Variants in CEP97 observed in about 807,000 individuals in gnomAD.
The protein encoded by CEP97 is centrosomal protein of 97 kDa.
In CEP97, 43 loss-of-function variants were observed where a neutral mutation model predicts 73.1. The observed-to-expected ratio is 0.59, with a 90% CI of 0.46 to 0.76. CEP97 has a LOEUF of 0.76. Among genes scored for constraint, CEP97 ranks in the 30% least tolerant of loss-of-function variants. CEP97 has a pLI of 0.00. For synonymous variants in CEP97, 337 were observed against 370.0 expected (o/e 0.91, Z 1.02); for missense variants, 939 against 1,014.0 (o/e 0.93, Z 1.00).
intron 4 of CEP97, among the ~76,000 whole-genome samples, chr3:101,729,708 T>G (rs1217983525): frequency 6.6e-6 from 1 of 151,996 alleles, no homozygotes; most frequent in Admixed American, 6.6e-5. Context: ...GCTAGGACCA[T>G]AGGCATGTGT....
Position 101,767,047 on chromosome 3 carries a change from T to A in CEP97, c.*1496T>A, listed in dbSNP as rs1560024459. 6.6e-6 allele frequency: 1 copy of A among 152,188 alleles called. No individual in the cohort carries two copies. Among genetic ancestry groups the A allele is most frequent in the African/African-American group, 2.4e-5 (1 of 41,452 alleles). 9.4% of individuals were successfully genotyped at this position (152,188 alleles called of 1,614,324 possible). A position where few individuals can be genotyped will look rare whatever the true frequency, so the allele number is the denominator to read the frequency against. ...GCTCAAGTGATCTCCCACTTCAGCCTCCCGAGTATCTGGGATTATAAGCAA... is the reference window on the plus strand; with the variant it reads ...GCTCAAGTGATCTCCCACTTCAGCCACCCGAGTATCTGGGATTATAAGCAA... On this transcript the variant is annotated 3_prime_UTR_variant, in exon 11 of 11. Transcript: ENST00000341893.
In CEP97 at chr3:101,757,712, C is replaced by T; in HGVS notation, c.1106C>T (p.Pro369Leu). 6.2e-7 allele frequency: 1 copy of T among 1,614,188 alleles called. No homozygotes were observed. Among genetic ancestry groups the T allele is most frequent in the Non-Finnish European group, 8.5e-7 (1 of 1,180,040 alleles). ...DQLFAVKNNF[P>L]ASVHTTRYSR... Reference sequence around the variant, plus strand: ...TTATTTGCGGTTAAGAATAATTTTCCAGCCTCTGTACACACTACGAGATAT... The same window carrying T: ...TTATTTGCGGTTAAGAATAATTTTCTAGCCTCTGTACACACTACGAGATAT... The change falls in exon 9 of 11, where the codon CCA (proline) becomes CTA (leucine). Residue 369 changes from proline to leucine, a missense_variant. Coordinates refer to ENST00000341893, the MANE Select transcript of CEP97 (RefSeq NM_024548.4).
At chr3:101,760,662 C>T (rs1349294313) in intron 9 of CEP97, among the ~76,000 whole-genome samples, 1 of 152,002 alleles carries the variant, frequency 6.6e-6, no homozygotes, top group Non-Finnish European at 1.5e-5. Context: ...CCACTTGAGG[C>T]TCCCAAGTAG....
At chr3:101,749,712 T>C (rs1426526486) in intron 6 of CEP97, among the ~76,000 whole-genome samples, 2 of 147,680 alleles carry the variant, frequency 1.4e-5, no homozygotes, top group Non-Finnish European at 3.0e-5. Flanking sequence ...TGGTATCTCA[T>C]TGTGGTTTTG....
intron 6 of CEP97, among the ~76,000 whole-genome samples, chr3:101,751,534 T>A (rs1183090418): frequency 1.3e-5 from 2 of 152,176 alleles, no homozygotes; most frequent in East Asian, 1.9e-4. Flanking sequence ...CCCATTATTA[T>A]TGTGTGGGAG....
At position 101,757,723 on chromosome 3, in the gene CEP97, C is replaced by T. The variant is rs1939049646; in HGVS notation, c.1117C>T (p.His373Tyr). 1 of 1,614,220 alleles carries T rather than the reference C, an allele frequency of 6.2e-7. No homozygotes were observed. Among genetic ancestry groups the T allele is most frequent in the Non-Finnish European group, 8.5e-7 (1 of 1,180,042 alleles). The change falls in exon 9 of 11, where the codon CAC (histidine) becomes TAC (tyrosine). Residue 373 changes from histidine to tyrosine, a missense_variant. Coordinates refer to ENST00000341893, the MANE Select transcript of CEP97 (RefSeq NM_024548.4). Reference sequence around the variant, plus strand: ...TAAGAATAATTTTCCAGCCTCTGTACACACTACGAGATATTCTCGAAATGA... The same window carrying T: ...TAAGAATAATTTTCCAGCCTCTGTATACACTACGAGATATTCTCGAAATGA... ...AVKNNFPASV[H>Y]TTRYSRNDLH... is the part of the protein sequence containing the mutation.
chr3:101,757,852 T>C lies in CEP97; in HGVS notation c.1246T>C (p.Ser416Pro). ...AGTTGCATCAGGACTGTCTCCACTA[T>C]CACCTACAGTTGAGCTGAGGCTGCA... ...MPVASGLSPL[S>P]PTVELRLQGI... Residue 416 changes from serine to proline, a missense_variant, in exon 9 of 11, where the codon TCA becomes CCA. By Grantham distance (74) the Ser-to-Pro change is moderately conservative. Transcript: ENST00000341893. The C allele has an allele frequency of 3.1e-6, 5 of 1,614,242 alleles. No individual in the cohort carries two copies. Among genetic ancestry groups the C allele is most frequent in the Non-Finnish European group, 4.2e-6 (5 of 1,180,046 alleles).
rs765833901 is a variant in CEP97 at position 101,762,475 on chromosome 3, A to G, written c.1818-10A>G. Reference sequence around the variant, plus strand: ...TCCTTATGTCAATAATGTGTTTTGAATTATTGTAGATTACGAAAAGAAAGA... The same window carrying G: ...TCCTTATGTCAATAATGTGTTTTGAGTTATTGTAGATTACGAAAAGAAAGA... On this transcript the variant is annotated splice_polypyrimidine_tract_variant and intron_variant, in intron 9 of 10. Transcript: ENST00000341893. The G allele has an allele frequency of 6.3e-6, 10 of 1,579,726 alleles. No homozygotes were observed. The South Asian group carries it at 7.9e-5, about 12-fold the overall frequency.
intron 1 of CEP97, among the ~76,000 whole-genome samples, chr3:101,724,989 T>C (rs745540482): frequency 6.6e-6 from 1 of 152,210 alleles, no homozygotes; most frequent in Non-Finnish European, 1.5e-5. Context: ...CTCCCGATGC[T>C]GAGGAGGCGG....
intron 6 of CEP97, among the ~76,000 whole-genome samples, chr3:101,733,276 T>C (rs532067454): frequency 2.0e-5 from 3 of 152,330 alleles, no homozygotes; most frequent in Middle Eastern, 3.4e-3. Context: ...ATAGATCCTG[T>C]GTAGGATCTC....
chr3:101,736,130 C>T (rs911421538), intron 6 of CEP97, among the ~76,000 whole-genome samples: 5 of 152,186 alleles, frequency 3.3e-5, no homozygotes, highest in South Asian at 2.1e-4. Context: ...CTGCTGTAGC[C>T]GGACTGCTTC....
chr3:101,737,390 G>T (rs2107144686), intron 6 of CEP97, among the ~76,000 whole-genome samples: 1 of 152,252 alleles, frequency 6.6e-6, no homozygotes, highest in East Asian at 1.9e-4. Flanking sequence ...ACACATAATT[G>T]CCAGATTCGC....
chr3:101,751,182 A>G (rs929712833), intron 6 of CEP97, among the ~76,000 whole-genome samples: 1 of 152,186 alleles, frequency 6.6e-6, no homozygotes, highest in South Asian at 2.1e-4. Context: ...CCAGTAGTCA[A>G]TCTGGAGCAG....
At position 101,751,033 on chromosome 3, in the gene CEP97, TTCTC is replaced by T. The variant is rs1232994111; in HGVS notation, c.729-4395_729-4392del. 1.1e-4 allele frequency among the ~76,000 whole-genome samples: 16 copies of T among 152,240 alleles called. 1 individual carries two copies. The highest frequency in any genetic ancestry group is 1.3e-4 in the Non-Finnish European group (9 of 68,042). ...GTGTCAATTTTGGATCTTTCCTGCTTTCTCTTGTGGGCATTTAGTGCTATAAATT... is the reference window on the plus strand; with the variant it reads ...GTGTCAATTTTGGATCTTTCCTGCTTTTGTGGGCATTTAGTGCTATAAATT... On this transcript the variant is annotated intron_variant, in intron 6 of 10. Transcript: ENST00000341893.
chr3:101,754,692 T>C (rs1390643918), intron 6 of CEP97, among the ~76,000 whole-genome samples: 2 of 152,176 alleles, frequency 1.3e-5, no homozygotes, highest in African/African-American at 4.8e-5. Context: ...CTTTGTTCTA[T>C]TTTCTTTGCT....
chr3:101,749,992 T>C (rs919714078), intron 6 of CEP97, among the ~76,000 whole-genome samples: 25 of 151,462 alleles, frequency 1.7e-4, no homozygotes, highest in Admixed American at 2.6e-4. Flanking sequence ...AGAAGCTCTT[T>C]AGTTTAATGA....
In CEP97 at chr3:101,768,069, C is replaced by CTG. The variant is rs1939362761; in HGVS notation, c.*2521_*2522dup. 6.6e-6 allele frequency: 1 copy of CTG among 152,120 alleles called. No individual in the cohort carries two copies. The highest frequency in any genetic ancestry group is 1.5e-5 in the Non-Finnish European group (1 of 68,010). The allele number at this position is 152,120 out of a possible 1,614,324, so 9.4% of individuals were successfully genotyped here. ...CCTAACAAGGAAAGGTTTAGTTCAG[C>CTG]TGTGCTATTTTAGTACACATCAGTT... On this transcript the variant is annotated 3_prime_UTR_variant, in exon 11 of 11. Transcript: ENST00000341893.
In CEP97 at chr3:101,766,651, A is replaced by G. The variant is rs536849142; in HGVS notation, c.*1100A>G. On this transcript the variant is annotated 3_prime_UTR_variant, in exon 11 of 11. Coordinates refer to ENST00000341893, the MANE Select transcript of CEP97 (RefSeq NM_024548.4). Reference sequence around the variant, plus strand: ...CTTGTTAAAAGGGATATATATATATATATATATGTCTGCAACTTCAGGGAG... The same window carrying G: ...CTTGTTAAAAGGGATATATATATATGTATATATGTCTGCAACTTCAGGGAG... The G allele has an allele frequency of 4.6e-5, 7 of 152,590 alleles. No individual in the cohort carries two copies. The South Asian group carries it at 1.5e-3, about 32-fold the overall frequency. The allele number at this position is 152,590 out of a possible 1,614,324, so 9.5% of individuals were successfully genotyped here. A position where few individuals can be genotyped will look rare whatever the true frequency, so the allele number is the denominator to read the frequency against.
At chr3:101,753,046 T>C (rs962310425) in intron 6 of CEP97, among the ~76,000 whole-genome samples, 2 of 152,196 alleles carry the variant, frequency 1.3e-5, no homozygotes, top group Admixed American at 1.3e-4. Flanking sequence ...TGGTCTTCGA[T>C]GATGGTGATG....
Sources: allele counts gnomAD v4.1 joint callset (sites outside exome capture counted in the v4.1 genomes callset), GRCh38; gene constraint gnomAD v4.1.1; transcripts MANE v1.5; gene names NCBI Gene and HGNC (gene_info 2026-07-23, HGNC 2026-07-21).